Variants in TTC6 observed in about 807,000 individuals in gnomAD.
The protein encoded by TTC6 is tetratricopeptide repeat protein 6.
Under a neutral mutation model 210.4 loss-of-function variants are expected in TTC6, and 172 were observed. The observed-to-expected ratio is 0.82, with a 90% CI of 0.72 to 0.93. TTC6 has a LOEUF of 0.93. Ranked by LOEUF, TTC6 falls within the 40% of genes least tolerant of loss-of-function variation. The pLI is 0.00. For synonymous variants in TTC6, 804 were observed against 819.6 expected (o/e 0.98, Z 0.32); for missense variants, 2,414 against 2,318.1 (o/e 1.04, Z -0.85).
chr14:37,796,734 T>C (rs968334114), intron 19 of TTC6, 53 bp from the exon 22 acceptor site: 1 of 1,511,976 alleles, frequency 6.6e-7, no homozygotes, highest in Non-Finnish European at 9.0e-7. Context: ...ATAATTATAT[T>C]CAAAATCATT....
At chr14:37,638,556 A>G (rs919446905) in intron 1 of TTC6, among the ~76,000 whole-genome samples, 2 of 148,116 alleles carry the variant, frequency 1.4e-5, no homozygotes, top group South Asian at 2.2e-4. Flanking sequence ...CCCCCGGCCT[A>G]TATAATATTC....
intron 3 of TTC6, among the ~76,000 whole-genome samples, chr14:37,695,599 C>T (rs1330616394): frequency 2.6e-5 from 4 of 152,034 alleles, no homozygotes; most frequent in Admixed American, 6.6e-5. Flanking sequence ...GTGATCTGCC[C>T]GCCTTGGCCT....
intron 20 of TTC6, among the ~76,000 whole-genome samples, chr14:37,797,603 G>T (rs996027185): frequency 6.6e-6 from 1 of 151,452 alleles, no homozygotes; most frequent in African/African-American, 2.4e-5. Context: ...TGTCTCTGTG[G>T]TGTCTTCTGA....
At chr14:37,657,212 CAAAAAAAAAAAAAAAAA>C (rs61052302) in intron 1 of TTC6, among the ~76,000 whole-genome samples, 2 of 35,622 alleles carry the variant, frequency 5.6e-5, no homozygotes, top group African/African-American at 1.9e-4. Context: ...AACTCTGTCT[CAAAAAAAAAAAAAAAAA>C]AAAAAAAAAA....
At chr14:37,801,821 G>A (rs2096107322) in intron 20 of TTC6, among the ~76,000 whole-genome samples, 1 of 152,194 alleles carries the variant, frequency 6.6e-6, no homozygotes, top group Non-Finnish European at 1.5e-5. Context: ...CAACCATTGT[G>A]TAAGACGGTT....
chr14:37,792,320 A>G, exon 17 of TTC6: 1 of 1,532,682 alleles, frequency 6.5e-7, no homozygotes. Context: ...CACCTGGATA[A>G]CTACACGGAA....
intron 14 of TTC6, among the ~76,000 whole-genome samples, chr14:37,760,101 C>CT (rs2095979619): frequency 6.6e-6 from 1 of 152,156 alleles, no homozygotes; most frequent in Admixed American, 6.5e-5. Flanking sequence ...GAATTTTCAG[C>CT]TTTTTTGCAC....
At chr14:37,689,418 C>G (rs981654612) in intron 3 of TTC6, among the ~76,000 whole-genome samples, 1 of 151,984 alleles carries the variant, frequency 6.6e-6, no homozygotes, top group African/African-American at 2.4e-5. Context: ...GGGATAATAG[C>G]AGAGAACTTC....
At chr14:37,650,086 T>C (rs2095708460) in intron 1 of TTC6, among the ~76,000 whole-genome samples, 1 of 152,248 alleles carries the variant, frequency 6.6e-6, no homozygotes, top group Admixed American at 6.5e-5. Flanking sequence ...TTCTAAAATC[T>C]GCTATACTCA....
intron 1 of TTC6, among the ~76,000 whole-genome samples, chr14:37,626,200 G>A (rs2095660013): frequency 1.0e-5 from 1 of 99,636 alleles, no homozygotes; most frequent in Non-Finnish European, 2.6e-5. Context: ...TGTTATGAAT[G>A]TTTGTTTGTT....
At chr14:37,650,754 A>G (rs546202553) in intron 1 of TTC6, among the ~76,000 whole-genome samples, 5 of 152,306 alleles carry the variant, frequency 3.3e-5, no homozygotes, top group African/African-American at 1.2e-4. Flanking sequence ...GTAAAAATAT[A>G]TTTTTGCATT....
chr14:37,632,397 T>G (rs2095671635), intron 1 of TTC6, among the ~76,000 whole-genome samples: 1 of 152,166 alleles, frequency 6.6e-6, no homozygotes, highest in Non-Finnish European at 1.5e-5. Context: ...CTGCTGGAGT[T>G]TGCTGGAGAT....
Position 37,753,110 on chromosome 14 carries a change from T to A in TTC6, c.3141T>A (p.Tyr1047Ter). 1 of 1,534,074 alleles carries A rather than the reference T, an allele frequency of 6.5e-7. No individual in the cohort carries two copies. The highest frequency in any genetic ancestry group is 8.7e-7 in the Non-Finnish European group (1 of 1,145,406). Reference sequence around the variant, plus strand: ...CGCTGTCCCTATAGTGTATTTTTTATGATCCCAAAAGAACAGATGCATTAT... The same window carrying A: ...CGCTGTCCCTATAGTGTATTTTTTAAGATCCCAAAAGAACAGATGCATTAT... Residue 1047 changes from tyrosine to a stop codon, truncating the protein, a stop_gained, in exon 14 of 31, where the codon TAT (tyrosine) becomes TAA (stop). Coordinates refer to ENST00000553443, the Ensembl canonical transcript of TTC6. LOFTEE classifies it high-confidence loss of function.
At chr14:37,725,002 G>A in exon 7 of TTC6, 1 of 1,464,132 alleles carries the variant, frequency 6.8e-7, no homozygotes, top group South Asian at 1.3e-5. Context: ...CAAAATATGA[G>A]GTAACATACC....
chr14:37,651,184 A>G (rs2095710422), intron 1 of TTC6, among the ~76,000 whole-genome samples: 1 of 151,662 alleles, frequency 6.6e-6, no homozygotes, highest in Non-Finnish European at 1.5e-5. Flanking sequence ...TTACATTGTA[A>G]AATTGAGGTG....
intron 3 of TTC6, among the ~76,000 whole-genome samples, chr14:37,689,365 A>G (rs1313847752): frequency 6.6e-6 from 1 of 152,174 alleles, no homozygotes; most frequent in African/African-American, 2.4e-5. Flanking sequence ...TTGGCCTTAA[A>G]GAGGATGTAG....
chr14:37,739,286 C>A, intron 10 of TTC6, 131 bp downstream of exon 12: 1 of 983,124 alleles, frequency 1.0e-6, no homozygotes, highest in Non-Finnish European at 1.4e-6. Flanking sequence ...CTTTGAAAGA[C>A]AAACCTCTGG....
At chr14:37,661,499 T>C (rs2095737279) in intron 1 of TTC6, among the ~76,000 whole-genome samples, 1 of 152,226 alleles carries the variant, frequency 6.6e-6, no homozygotes, top group Admixed American at 6.5e-5. Context: ...ATCTTAATTC[T>C]GAGTTCTCTA....
At chr14:37,617,892 T>C (rs1183175407), upstream of TTC6, among the ~76,000 whole-genome samples, 2 of 152,196 alleles carry the variant, frequency 1.3e-5, no homozygotes, top group African/African-American at 4.8e-5. Flanking sequence ...AAAACCCAAA[T>C]CTTGTTCTTA....
Sources: gnomAD v4.1 joint callset for allele counts (sites outside exome capture counted in the v4.1 genomes callset) on GRCh38, gnomAD v4.1.1 for gene constraint, MANE v1.5 for transcripts, NCBI Gene and HGNC (gene_info 2026-07-23, HGNC 2026-07-21) for gene names.